Variants in HNRNPF observed in about 807,000 individuals in gnomAD.
HNRNPF encodes HnRNP F protein.
A neutral mutation model predicts 26.0 loss-of-function variants in HNRNPF; 2 were observed. The ratio of observed to expected loss-of-function variants is 0.08; its 90% CI spans 0.03 to 0.24. The LOEUF is 0.24. Among genes scored for constraint, HNRNPF ranks in the 10% least tolerant of loss-of-function variants. The pLI is 1.00. For synonymous variants in HNRNPF, 234 were observed against 211.5 expected, an observed-to-expected ratio of 1.11 and a Z score of -0.92; for missense variants, 299 against 539.2, an observed-to-expected ratio of 0.55 and a Z score of 4.41.
At chr10:43,407,159 G>T (rs1589002628) in intron 1 of HNRNPF, among the ~76,000 whole-genome samples, 1 of 151,794 alleles carries the variant, frequency 6.6e-6, no homozygotes, top group Non-Finnish European at 1.5e-5. Flanking sequence ...TACGCTTTCA[G>T]AACTCCCTGC....
At position 43,391,130 on chromosome 10, in the gene HNRNPF, A is replaced by G. The variant is rs1255063835; in HGVS notation, c.-52-3194T>C. ...AATAGACAAAACCTCTGTCTCGACT[A>G]AAAATACAAAAAACTAGCCGGGCGT... On this transcript the variant is annotated intron_variant, in intron 3 of 3. Coordinates refer to ENST00000682386, the MANE Select transcript of HNRNPF (RefSeq NM_001098204.2). 2.0e-5 allele frequency among the ~76,000 whole-genome samples: 3 copies of G among 152,050 alleles called. No individual in the cohort carries two copies. In the South Asian group the frequency reaches 6.2e-4, roughly 32 times the overall value.
chr10:43,403,098 G>A (rs1307189024), intron 1 of HNRNPF, among the ~76,000 whole-genome samples: 1 of 151,902 alleles, frequency 6.6e-6, no homozygotes, highest in Non-Finnish European at 1.5e-5. Flanking sequence ...TTCCACTCTC[G>A]GTTCACTGCA....
At chr10:43,395,023 G>A (rs914238448) in intron 2 of HNRNPF, among the ~76,000 whole-genome samples, 1 of 152,116 alleles carries the variant, frequency 6.6e-6, no homozygotes, top group African/African-American at 2.4e-5. Flanking sequence ...ATTTCAATAT[G>A]TTGGCCAGGC....
intron 1 of HNRNPF, among the ~76,000 whole-genome samples, chr10:43,400,065 G>A (rs1478550201): frequency 6.6e-6 from 1 of 152,132 alleles, no homozygotes; most frequent in African/African-American, 2.4e-5. Context: ...GTAGAAGCTG[G>A]CCAGGAGCAG....
chr10:43,391,749 C>A (rs1046780372), intron 3 of HNRNPF, among the ~76,000 whole-genome samples: 1 of 152,186 alleles, frequency 6.6e-6, no homozygotes, highest in African/African-American at 2.4e-5. Flanking sequence ...ACCTCACATA[C>A]CCCGGAGCCA....
At chr10:43,406,451 T>C (rs1402697917) in intron 1 of HNRNPF, among the ~76,000 whole-genome samples, 2 of 152,154 alleles carry the variant, frequency 1.3e-5, no homozygotes, top group Non-Finnish European at 2.9e-5. Flanking sequence ...CCCAGCACTT[T>C]GGGAGGCAGA....
chr10:43,407,025 A>AT (rs941332905), intron 1 of HNRNPF, among the ~76,000 whole-genome samples: 4 of 152,206 alleles, frequency 2.6e-5, no homozygotes, highest in Non-Finnish European at 4.4e-5. Context: ...AGAAATTTTC[A>AT]TCTTACTAGG....
chr10:43,404,018 C>T (rs7099802), intron 1 of HNRNPF, among the ~76,000 whole-genome samples: 10,837 of 151,188 alleles, frequency 0.072, 542 homozygotes, highest in East Asian at 0.2. Flanking sequence ...GAGGGCTGGG[C>T]GTGGTGGGTG....
chr10:43,394,982 A>G (rs1838415004), intron 2 of HNRNPF, among the ~76,000 whole-genome samples: 1 of 152,110 alleles, frequency 6.6e-6, no homozygotes, highest in South Asian at 2.1e-4. Flanking sequence ...CACCCCACCC[A>G]GCGAATTTTT....
chr10:43,407,007 AG>A (rs1422782370), intron 1 of HNRNPF, among the ~76,000 whole-genome samples: 2 of 152,222 alleles, frequency 1.3e-5, no homozygotes, highest in Non-Finnish European at 2.9e-5. Flanking sequence ...ACCTACCTGG[AG>A]AACCCAAGAA....
intron 3 of HNRNPF, among the ~76,000 whole-genome samples, chr10:43,390,298 C>A (rs1448640460): frequency 6.6e-6 from 1 of 152,196 alleles, no homozygotes; most frequent in Non-Finnish European, 1.5e-5. Flanking sequence ...GGCTAGGCAC[C>A]GCCTGTCCTT....
chr10:43,401,933 C>T (rs959408502), intron 1 of HNRNPF, among the ~76,000 whole-genome samples: 1 of 152,058 alleles, frequency 6.6e-6, no homozygotes, highest in African/African-American at 2.4e-5. Context: ...TGCATTCTGC[C>T]TTGGGGGAAT....
intron 3 of HNRNPF, among the ~76,000 whole-genome samples, 165 bp from the exon 4 acceptor site, chr10:43,388,101 T>A (rs1328597084): frequency 1.3e-5 from 2 of 152,148 alleles, no homozygotes; most frequent in Non-Finnish European, 2.9e-5. Flanking sequence ...ACAGGCAGTT[T>A]GAAAAACAAA....
intron 1 of HNRNPF, among the ~76,000 whole-genome samples, chr10:43,408,227 C>G (rs993387583): frequency 2.6e-5 from 4 of 152,216 alleles, no homozygotes; most frequent in Admixed American, 6.5e-5. Context: ...CCGGCAGTCG[C>G]CAGCTCCCCG....
Position 43,385,753 on chromosome 10 carries a change from G to GT in HNRNPF, c.*883dup, listed in dbSNP as rs1427709512. On this transcript the variant is annotated 3_prime_UTR_variant, in exon 4 of 4. Transcript: ENST00000682386. ...GGGCCTAGCAGGAAAATTCTGAATG[G>GT]TTTACAACAGTGCACATAAGTTGCA... 6.6e-6 allele frequency: 1 copy of GT among 152,200 alleles called. No individual in the cohort carries two copies. The highest frequency in any genetic ancestry group is 1.5e-5 in the Non-Finnish European group (1 of 68,046). 9.4% of individuals were successfully genotyped at this position (152,200 alleles called of 1,614,324 possible). A position where few individuals can be genotyped will look rare whatever the true frequency, so the allele number is the denominator to read the frequency against.
intron 2 of HNRNPF, among the ~76,000 whole-genome samples, chr10:43,396,222 A>G (rs1325139959): frequency 6.6e-6 from 1 of 152,202 alleles, no homozygotes; most frequent in Non-Finnish European, 1.5e-5. Context: ...CTGCAGAGTA[A>G]ACAGGGCCGT....
chr10:43,395,983 AG>A (rs1368131475), intron 2 of HNRNPF, among the ~76,000 whole-genome samples: 3 of 152,164 alleles, frequency 2.0e-5, no homozygotes, highest in Admixed American at 2.0e-4. Flanking sequence ...CAGCTCCCCC[AG>A]GTGACTGGAC....
At chr10:43,407,945 A>C (rs972425640) in intron 1 of HNRNPF, 1 of 152,164 alleles carries the variant, frequency 6.6e-6, no homozygotes, top group Non-Finnish European at 1.5e-5. Context: ...ACTTCTTTTG[A>C]GACAAGGTCT....
At chr10:43,401,788 CCT>C (rs1312665720) in intron 1 of HNRNPF, among the ~76,000 whole-genome samples, 2 of 152,152 alleles carry the variant, frequency 1.3e-5, no homozygotes, top group Admixed American at 1.3e-4. Flanking sequence ...TCCTCAGCCC[CCT>C]GAGGAAGGTA....
Sources: gnomAD v4.1 joint callset for allele counts (sites outside exome capture counted in the v4.1 genomes callset) on GRCh38, gnomAD v4.1.1 for gene constraint, MANE v1.5 for transcripts, NCBI Gene and HGNC (gene_info 2026-07-23, HGNC 2026-07-21) for gene names.